NXPH2: variants seen among roughly 807,000 people sequenced by gnomAD.
NXPH2 encodes the protein neurexophilin 2, also known as neurexophilin-2.
In NXPH2, 5 loss-of-function variants were observed where a neutral mutation model predicts 19.8. The observed-to-expected ratio is 0.25, with a 90% CI of 0.13 to 0.53. The LOEUF (loss-of-function observed/expected upper bound fraction) is 0.53, where lower values mean the gene tolerates loss of function less well. Among genes scored for constraint, NXPH2 ranks in the 20% least tolerant of loss-of-function variants. The pLI, the probability that NXPH2 is intolerant of heterozygous loss-of-function variation, is 0.96. For synonymous variants in NXPH2, 154 were observed against 127.4 expected (o/e 1.21, Z -1.41); for missense variants, 289 against 322.8 (o/e 0.90, Z 0.80).
chr2:138,760,820 C>T (rs941103519), intron 1 of NXPH2, among the ~76,000 whole-genome samples: 7 of 152,136 alleles, frequency 4.6e-5, no homozygotes, highest in Non-Finnish European at 1.0e-4. Context: ...GACTCATGGA[C>T]GGAGTGGACA....
chr2:138,671,931 T>G (rs1158716832), intron 1 of NXPH2, among the ~76,000 whole-genome samples: 7 of 152,192 alleles, frequency 4.6e-5, no homozygotes, highest in Non-Finnish European at 1.0e-4. Context: ...AGTCTCTGTT[T>G]CCTGATCTTC....
intron 1 of NXPH2, among the ~76,000 whole-genome samples, chr2:138,737,475 C>T (rs1031225382): frequency 1.3e-5 from 2 of 152,156 alleles, no homozygotes; most frequent in Non-Finnish European, 2.9e-5. Flanking sequence ...CCATCTGGGT[C>T]CTTCCCACAA....
chr2:138,742,670 C>G (rs1239209667), intron 1 of NXPH2, among the ~76,000 whole-genome samples: 1 of 152,162 alleles, frequency 6.6e-6, no homozygotes, highest in Non-Finnish European at 1.5e-5. Context: ...GAAACTGTAT[C>G]CATTCCTAGC....
At chr2:138,695,221 A>G (rs1680812474) in intron 1 of NXPH2, among the ~76,000 whole-genome samples, 1 of 152,214 alleles carries the variant, frequency 6.6e-6, no homozygotes, top group African/African-American at 2.4e-5. Flanking sequence ...CCAAATCGAT[A>G]TTAGTGGCTA....
rs559753606 is a variant in NXPH2, at chr2:138,731,168, A to G, written c.51+49023T>C. Among the ~76,000 whole-genome samples the G allele has an allele frequency of 5.3e-5, 8 of 152,232 alleles. No individual in the cohort carries two copies. In the East Asian group the frequency reaches 1.5e-3, roughly 29 times the overall value. Reference sequence around the variant, plus strand: ...TGCTGCTTGCTTTTTTAGAGCAGGAACCACTTTTCTTTTGTTCACCCTGCA... The same window carrying G: ...TGCTGCTTGCTTTTTTAGAGCAGGAGCCACTTTTCTTTTGTTCACCCTGCA... On this transcript the variant is annotated intron_variant, in intron 1 of 1. Transcript: ENST00000272641.
chr2:138,689,082 G>A (rs1367143477), intron 1 of NXPH2, among the ~76,000 whole-genome samples: 6 of 152,068 alleles, frequency 3.9e-5, no homozygotes, highest in East Asian at 1.9e-4. Flanking sequence ...GGAATTTTTC[G>A]TATTGCCATT....
At chr2:138,675,304 G>T (rs1481297485) in intron 1 of NXPH2, among the ~76,000 whole-genome samples, 3 of 151,668 alleles carry the variant, frequency 2.0e-5, no homozygotes, top group African/African-American at 7.3e-5. Flanking sequence ...TCTTGTTTTA[G>T]TGCTTTGCCC....
chr2:138,731,866 G>A (rs539547790), intron 1 of NXPH2, among the ~76,000 whole-genome samples: 6 of 152,182 alleles, frequency 3.9e-5, no homozygotes, highest in South Asian at 2.1e-4. Flanking sequence ...GAAATAATAC[G>A]TTTTGGGCCC....
intron 1 of NXPH2, among the ~76,000 whole-genome samples, chr2:138,777,094 T>C (rs985232843): frequency 1.3e-5 from 2 of 152,104 alleles, no homozygotes; most frequent in Non-Finnish European, 2.9e-5. Context: ...TTTATTCTTT[T>C]TTTAATCTTC....
chr2:138,676,960 T>C (rs1365565257), intron 1 of NXPH2, among the ~76,000 whole-genome samples: 1 of 152,114 alleles, frequency 6.6e-6, no homozygotes, highest in African/African-American at 2.4e-5. Context: ...CAAAATGTGT[T>C]TGTAGATCTT....
intron 1 of NXPH2, among the ~76,000 whole-genome samples, chr2:138,728,157 T>TCG (rs1325538913): frequency 2.7e-3 from 27 of 9,880 alleles, no homozygotes; most frequent in Non-Finnish European, 2.1e-3. Context: ...CAGAGTGCGC[T>TCG]CTCTCTCTCT....
rs560792461 is a variant in NXPH2 at position 138,777,270 on chromosome 2, C to A, written c.51+2921G>T. Among the ~76,000 whole-genome samples, 216 of 151,948 alleles carry A rather than the reference C, an allele frequency of 1.4e-3. 1 individual carries two copies. Among genetic ancestry groups the A allele is most frequent in the African/African-American group, 4.5e-3 (187 of 41,460 alleles). ...TGCTAATTTTTTTCTTCATTAGTGG[C>A]AGAAAAGATATAACATGCTCTTAAT... On this transcript the variant is annotated intron_variant, in intron 1 of 1. Coordinates refer to ENST00000272641, the MANE Select transcript of NXPH2 (RefSeq NM_007226.3).
intron 1 of NXPH2, among the ~76,000 whole-genome samples, chr2:138,678,242 G>T (rs1461292658): frequency 6.6e-6 from 1 of 152,142 alleles, no homozygotes; most frequent in Non-Finnish European, 1.5e-5. Flanking sequence ...ATTACGCTAG[G>T]GTTAGGGGTT....
intron 1 of NXPH2, among the ~76,000 whole-genome samples, chr2:138,676,738 G>A (rs1367496423): frequency 2.6e-5 from 4 of 152,152 alleles, no homozygotes; most frequent in Non-Finnish European, 5.9e-5. Context: ...TCCTACTCAA[G>A]AAGTGTCTCC....
intron 1 of NXPH2, among the ~76,000 whole-genome samples, chr2:138,685,713 C>T (rs770257939): frequency 2.0e-5 from 3 of 152,134 alleles, no homozygotes; most frequent in African/African-American, 4.8e-5. Context: ...TTATTGCTTT[C>T]ATAACACTAC....
intron 1 of NXPH2, among the ~76,000 whole-genome samples, chr2:138,707,921 C>G (rs911599671): frequency 1.3e-5 from 2 of 152,122 alleles, no homozygotes; most frequent in Non-Finnish European, 2.9e-5. Context: ...TGTGTCTGCC[C>G]TTTTAAAATC....
rs942498863 is a variant in NXPH2, at chr2:138,681,681, C to T, written c.52-10016G>A. ...GAGAAAGTTGGCTTTTCCTTGATAA[C>T]AGGACTGGCATATTCTACTAGAGAA... On this transcript the variant is annotated intron_variant, in intron 1 of 1. Coordinates refer to ENST00000272641, the MANE Select transcript of NXPH2 (RefSeq NM_007226.3). Among the ~76,000 whole-genome samples the T allele has an allele frequency of 5.3e-5, 8 of 152,176 alleles. No individual in the cohort carries two copies. The East Asian group carries it at 7.7e-4, about 15-fold the overall frequency.
At chr2:138,707,747 G>A (rs1267928626) in intron 1 of NXPH2, among the ~76,000 whole-genome samples, 1 of 151,934 alleles carries the variant, frequency 6.6e-6, no homozygotes, top group East Asian at 1.9e-4. Context: ...TGGTGGTGGT[G>A]TTCTTTTTGT....
Position 138,753,522 on chromosome 2 carries a change from T to C in NXPH2, c.51+26669A>G, listed in dbSNP as rs998523115. On this transcript the variant is annotated intron_variant, in intron 1 of 1. Transcript: ENST00000272641. ...GGTTTCTAGGCATGCTCATTGCTAC[T>C]GGAGTGTTTTGTTTTCAGGCCCTCT... Among the ~76,000 whole-genome samples the C allele has an allele frequency of 2.6e-5, 4 of 152,314 alleles. No homozygotes were observed. In the South Asian group the frequency reaches 8.3e-4, roughly 32 times the overall value.
Sources: gnomAD v4.1 joint callset for allele counts (sites outside exome capture counted in the v4.1 genomes callset) on GRCh38, gnomAD v4.1.1 for gene constraint, MANE v1.5 for transcripts, NCBI Gene and HGNC (gene_info 2026-07-23, HGNC 2026-07-21) for gene names.